The following AGAP4 variants were observed in gnomAD, a reference collection of about 807,000 sequenced individuals.
The protein encoded by AGAP4 is ArfGAP with GTPase domain, ankyrin repeat and PH domain 4, also known as arf-GAP with GTPase, ANK repeat and PH domain-containing protein 4.
Under a neutral mutation model 60.7 loss-of-function variants are expected in AGAP4, and 13 were observed. That is an observed-to-expected ratio of 0.21 (90% CI 0.14 to 0.34). AGAP4 has a LOEUF of 0.34. Among genes scored for constraint, AGAP4 ranks in the 10% least tolerant of loss-of-function variants. The pLI is 1.00. For synonymous variants in AGAP4, 70 were observed against 339.0 expected, an observed-to-expected ratio of 0.21 and a Z score of 8.72; for missense variants, 169 against 884.0, an observed-to-expected ratio of 0.19 and a Z score of 10.26.
chr10:45,853,543 T>C lies in AGAP4; in HGVS notation n.221+112A>G, dbSNP rs2135981571. On this transcript the variant is annotated intron_variant and non_coding_transcript_variant, in intron 1 of 9. Transcript: ENST00000430779. The stretch of plus-strand genomic sequence containing the variant: ...GTCAGCCAAATACATATGCTCAGAT[T>C]TACCATTTATCAAGAGGTCTTCACA... The C allele has an allele frequency of 2.5e-6, 3 of 1,195,150 alleles. No individual in the cohort carries two copies. In the East Asian group the frequency reaches 1.7e-4, roughly 69 times the overall value. 74.0% of individuals were successfully genotyped at this position (1,195,150 alleles called of 1,614,324 possible).
intron 4 of AGAP4, among the ~76,000 whole-genome samples, chr10:45,834,890 C>T (rs2058792794): frequency 6.8e-6 from 1 of 146,174 alleles, no homozygotes; most frequent in South Asian, 2.1e-4. Flanking sequence ...TCTCCTGACT[C>T]AGCCTCCTGA....
intron 6 of AGAP4, among the ~76,000 whole-genome samples, chr10:45,829,386 AC>A (rs1405020069): frequency 6.8e-6 from 1 of 146,236 alleles, no homozygotes; most frequent in Non-Finnish European, 1.5e-5. Flanking sequence ...CTGAAAAATC[AC>A]TTTTTTCACA....
At position 45,826,906 on chromosome 10, in the gene AGAP4, G is replaced by C. The variant is rs4043112; in HGVS notation, c.1070C>G (p.Thr357Ser). 148,787 of 1,083,756 alleles carry C rather than the reference G, an allele frequency of 0.14. 67,877 individuals carry two copies. Among genetic ancestry groups the C allele is most frequent in the East Asian group, 0.47 (12,956 of 27,794 alleles). The allele number at this position is 1,083,756 out of a possible 1,614,324, so 67.1% of individuals were successfully genotyped here. A position where few individuals can be genotyped will look rare whatever the true frequency, so the allele number is the denominator to read the frequency against. ...CTTGGATAGGCCATTGCTTTTAGAG[G>C]TGGAGATGGGTGTGCAGGCCGATGT... ...LATSACTPIS[T>S]SKSNGLSKDM... Residue 357 changes from threonine (T) to serine (S), a missense_variant, in exon 8 of 8, where the codon ACC becomes AGC. Thr to Ser is a moderately conservative substitution (Grantham distance 58). Transcript: ENST00000616763.
rs1316604438 is a variant in AGAP4 at position 45,832,291 on chromosome 10, T to C, written c.498-862A>G. 1.4e-5 allele frequency among the ~76,000 whole-genome samples: 2 copies of C among 147,384 alleles called. 1 individual carries two copies. The highest frequency in any genetic ancestry group is 3.0e-5 in the Non-Finnish European group (2 of 66,320). ...AAAGGACCAATGACCTTATGTGACA[T>C]TTAATTCAACACTCGTTTTACAGAT... is the stretch of plus-strand genomic sequence containing the variant. On this transcript the variant is annotated intron_variant, in intron 5 of 7. Coordinates refer to ENST00000616763, the MANE Select transcript of AGAP4 (RefSeq NM_001276343.3).
chr10:45,828,392 T>C (rs1475698966), intron 6 of AGAP4, among the ~76,000 whole-genome samples: 1 of 150,284 alleles, frequency 6.7e-6, no homozygotes, highest in Non-Finnish European at 1.5e-5. Flanking sequence ...AACACAAGAA[T>C]GTTCTACAAA....
At chr10:45,849,989 T>A, upstream of AGAP4, among the ~76,000 whole-genome samples, 1 of 151,142 alleles carries the variant, frequency 6.6e-6, no homozygotes, top group Non-Finnish European at 1.5e-5. Context: ...AGTGGCACAA[T>A]CGTTGCTCAC....
intron 1 of AGAP4, chr10:45,853,648 A>T (rs1197085514): frequency 1.8e-5 from 23 of 1,286,844 alleles, no homozygotes; most frequent in Non-Finnish European, 2.2e-5. Flanking sequence ...TCGGGAGACC[A>T]AGGTACCTCC....
chr10:45,851,848 T>A (rs1251005965), upstream of AGAP4, among the ~76,000 whole-genome samples: 4 of 151,252 alleles, frequency 2.6e-5, no homozygotes, highest in East Asian at 5.9e-4. Flanking sequence ...ACCATGTGAC[T>A]CTAGAGATAT....
chr10:45,850,095 A>C (rs1489497687), upstream of AGAP4, among the ~76,000 whole-genome samples: 1 of 151,750 alleles, frequency 6.6e-6, no homozygotes, highest in Non-Finnish European at 1.5e-5. Context: ...ATGCTCAGCT[A>C]ATGTTTGTAT....
intron 1 of AGAP4, among the ~76,000 whole-genome samples, chr10:45,853,426 GC>G (rs1554900723): frequency 6.6e-6 from 1 of 151,178 alleles, no homozygotes; most frequent in East Asian, 1.9e-4. Context: ...GTTATTAGGT[GC>G]CTGTAGACTA....
upstream of AGAP4, among the ~76,000 whole-genome samples, chr10:45,849,941 A>AT (rs2059062948): frequency 6.8e-6 from 1 of 145,986 alleles, no homozygotes; most frequent in East Asian, 2.0e-4. Context: ...TTTTTTTTTT[A>AT]TTTTTTTTGA....
intron 5 of AGAP4, among the ~76,000 whole-genome samples, chr10:45,832,305 C>T (rs1403485176): frequency 3.4e-5 from 5 of 148,006 alleles, no homozygotes; most frequent in African/African-American, 7.5e-5. Context: ...ATTCAACACT[C>T]GTTTTACAGA....
At chr10:45,834,532 G>C (rs1172988659) in intron 4 of AGAP4, among the ~76,000 whole-genome samples, 1 of 115,954 alleles carries the variant, frequency 8.6e-6, no homozygotes, top group African/African-American at 4.0e-5. Context: ...AAAATTAGCC[G>C]GGCGTGGTAG....
rs1284006718 is a variant in AGAP4 at position 45,831,791 on chromosome 10, T to C, written c.498-362A>G. On this transcript the variant is annotated intron_variant, in intron 5 of 7. Transcript: ENST00000616763. ...GTCTGTCTCTCTTGCTCAGACTGGA[T>C]TGCAGTGGTGCCATCTTGACTCCTC... Among the ~76,000 whole-genome samples the C allele has an allele frequency of 1.2e-4, 15 of 124,132 alleles. 1 individual carries two copies. Among genetic ancestry groups the C allele is most frequent in the South Asian group, 3.0e-4 (1 of 3,344 alleles). The allele number at this position is 124,132 out of a possible 152,430, so 81.4% of individuals were successfully genotyped here. A position where few individuals can be genotyped will look rare whatever the true frequency, so the allele number is the denominator to read the frequency against.
At chr10:45,844,935 T>C (rs2058977557) in intron 2 of AGAP4, among the ~76,000 whole-genome samples, 1 of 118,456 alleles carries the variant, frequency 8.4e-6, no homozygotes, top group Admixed American at 8.0e-5. Flanking sequence ...CATTTCTTCG[T>C]TAGCAACACA....
At chr10:45,849,907 C>T (rs1468693343), upstream of AGAP4, among the ~76,000 whole-genome samples, 9 of 151,164 alleles carry the variant, frequency 6.0e-5, no homozygotes, top group African/African-American at 1.9e-4. Context: ...CGTGCCCAGC[C>T]AGATTCGTAT....
upstream of AGAP4, among the ~76,000 whole-genome samples, chr10:45,849,470 G>GATTATTATTATT (rs201974903): frequency 3.4e-5 from 5 of 146,578 alleles, no homozygotes; most frequent in African/African-American, 5.1e-5. Context: ...TGATGATGAT[G>GATTATTATTATT]ATGATTATTA....
rs3964860 is a variant in AGAP4, at chr10:45,839,621, A to G, written c.396+2032T>C. On this transcript the variant is annotated intron_variant, in intron 4 of 7. Coordinates refer to ENST00000616763, the MANE Select transcript of AGAP4 (RefSeq NM_001276343.3). Reference sequence around the variant, plus strand: ...CTCAGAAGAAACTGAAATGTCTTCAAAAAAGATCCCCAGATAATACACTGA... The same window carrying G: ...CTCAGAAGAAACTGAAATGTCTTCAGAAAAGATCCCCAGATAATACACTGA... Among the ~76,000 whole-genome samples the G allele has an allele frequency of 5.1e-5, 6 of 117,504 alleles. 1 individual carries two copies. The highest frequency in any genetic ancestry group is 5.3e-4 in the East Asian group (2 of 3,766). 77.1% of individuals were successfully genotyped at this position (117,504 alleles called of 152,430 possible).
upstream of AGAP4, among the ~76,000 whole-genome samples, chr10:45,852,236 A>AC (rs2059093979): frequency 6.7e-6 from 1 of 149,740 alleles, no homozygotes; most frequent in African/African-American, 2.5e-5. Context: ...AAAAAAAAAA[A>AC]AAAAAAACTA....
Sources: allele counts gnomAD v4.1 joint callset (sites outside exome capture counted in the v4.1 genomes callset), GRCh38; gene constraint gnomAD v4.1.1; transcripts MANE v1.5; gene names NCBI Gene and HGNC (gene_info 2026-07-23, HGNC 2026-07-21).